Variants in RANBP2 observed in about 807,000 individuals in gnomAD.
RANBP2 encodes the protein E3 SUMO-protein ligase RanBP2.
A neutral mutation model predicts 303.6 loss-of-function variants in RANBP2; 57 were observed. The ratio of observed to expected loss-of-function variants is 0.19; its 90% CI spans 0.15 to 0.23. RANBP2 has a LOEUF of 0.23. RANBP2 is among the 10% of genes least tolerant of loss of function. RANBP2 has a pLI of 1.00. For missense variants in RANBP2, 3,138 were observed against 3,780.8 expected (o/e 0.83, Z 4.46); for synonymous variants, 1,167 against 1,301.5 (o/e 0.90, Z 2.23).
At chr2:108,910,589 C>T in the RANBP2 span, 348 of 1,491,770 alleles carry the variant, frequency 2.3e-4, 4 homozygotes, top group South Asian at 2.4e-3. Context: ...CATGGCTCTG[C>T]GCTCAGCCCA....
At chr2:108,834,141 C>G in the RANBP2 span, among the ~76,000 whole-genome samples, 3 of 151,672 alleles carry the variant, frequency 2.0e-5, no homozygotes, top group Non-Finnish European at 4.4e-5. Flanking sequence ...TGTTTCCTGT[C>G]ATCAGAATCA....
chr2:108,984,082 G>A, the RANBP2 span, among the ~76,000 whole-genome samples: 1 of 152,178 alleles, frequency 6.6e-6, no homozygotes, highest in East Asian at 1.9e-4. Context: ...GTGTAATCAT[G>A]TGTTTCAGGT....
the RANBP2 span, among the ~76,000 whole-genome samples, chr2:109,548,329 AAC>A: frequency 2.6e-5 from 4 of 152,212 alleles, no homozygotes; most frequent in Non-Finnish European, 4.4e-5. Context: ...ATCTGACATT[AAC>A]ATTTTAGTTC....
the RANBP2 span, among the ~76,000 whole-genome samples, chr2:109,214,725 G>T: frequency 3.3e-5 from 5 of 152,208 alleles, no homozygotes; most frequent in Admixed American, 6.5e-5. Context: ...CACTCCAGCT[G>T]CAACTCTGGT....
At chr2:109,076,274 G>A in the RANBP2 span, among the ~76,000 whole-genome samples, 5 of 150,398 alleles carry the variant, frequency 3.3e-5, no homozygotes, top group Admixed American at 2.0e-4. Context: ...AAATATGTAT[G>A]GAAGGAACTT....
the RANBP2 span, among the ~76,000 whole-genome samples, chr2:109,112,938 G>A: frequency 6.6e-6 from 1 of 151,888 alleles, no homozygotes; most frequent in African/African-American, 2.4e-5. Flanking sequence ...AAGATCAGAT[G>A]GTTGTAGATA....
chr2:109,204,795 T>C, the RANBP2 span, among the ~76,000 whole-genome samples: 2 of 152,252 alleles, frequency 1.3e-5, no homozygotes, highest in Admixed American at 6.5e-5. Context: ...GGGTCATTTC[T>C]TGATGGTGCC....
chr2:109,283,376 A>G, the RANBP2 span, among the ~76,000 whole-genome samples: 2 of 152,062 alleles, frequency 1.3e-5, no homozygotes, highest in African/African-American at 4.8e-5. Context: ...GCCTCACCTC[A>G]CTGCGTTGAA....
At chr2:108,998,092 A>C in the RANBP2 span, among the ~76,000 whole-genome samples, 1 of 151,874 alleles carries the variant, frequency 6.6e-6, no homozygotes. Flanking sequence ...CTCTCCCTAC[A>C]CTCTGGGATT....
chr2:109,277,191 A>G, the RANBP2 span, among the ~76,000 whole-genome samples: 8 of 152,088 alleles, frequency 5.3e-5, no homozygotes, highest in Non-Finnish European at 1.2e-4. Context: ...AGTTCCCAGA[A>G]TTTCAGTCGC....
the RANBP2 span, among the ~76,000 whole-genome samples, chr2:109,367,899 A>C: frequency 6.6e-6 from 1 of 152,166 alleles, no homozygotes; most frequent in Non-Finnish European, 1.5e-5. Flanking sequence ...CCTGCCCTAC[A>C]TTTATATCCC....
chr2:109,064,417 C>T, the RANBP2 span, among the ~76,000 whole-genome samples: 3 of 140,888 alleles, frequency 2.1e-5, no homozygotes, highest in Non-Finnish European at 4.5e-5. Flanking sequence ...GATCACGCCA[C>T]TCCACTCCAG....
the RANBP2 span, among the ~76,000 whole-genome samples, chr2:109,081,152 T>G: frequency 6.6e-6 from 1 of 152,368 alleles, no homozygotes; most frequent in Admixed American, 6.5e-5. Context: ...AAATGATATC[T>G]GCACACACTG....
At chr2:109,680,437 G>T in the RANBP2 span, among the ~76,000 whole-genome samples, 1 of 151,922 alleles carries the variant, frequency 6.6e-6, no homozygotes, top group African/African-American at 2.4e-5. Flanking sequence ...AGAATTGTGT[G>T]TGCTTAATGA....
At chr2:108,816,976 T>C in the RANBP2 span, among the ~76,000 whole-genome samples, 1 of 152,230 alleles carries the variant, frequency 6.6e-6, no homozygotes, top group African/African-American at 2.4e-5. Context: ...TCATTACAGA[T>C]GTGGGCCACT....
the RANBP2 span, among the ~76,000 whole-genome samples, chr2:109,578,493 G>A: frequency 3.9e-5 from 6 of 151,966 alleles, no homozygotes; most frequent in Non-Finnish European, 5.9e-5. Flanking sequence ...GGCCAGGCAT[G>A]GCAGGCTCAT....
chr2:108,982,502 T>C, the RANBP2 span, among the ~76,000 whole-genome samples: 1 of 152,236 alleles, frequency 6.6e-6, no homozygotes, highest in African/African-American at 2.4e-5. Context: ...AGCTCAACAT[T>C]CTGTTGTACT....
the RANBP2 span, among the ~76,000 whole-genome samples, chr2:109,154,225 T>C: frequency 1.6e-4 from 24 of 152,364 alleles, no homozygotes; most frequent in Admixed American, 5.9e-4. Context: ...TGTGGTGCTT[T>C]CTGTCATTTC....
At chr2:109,153,650 C>T in the RANBP2 span, among the ~76,000 whole-genome samples, 3 of 152,084 alleles carry the variant, frequency 2.0e-5, no homozygotes, top group Admixed American at 6.5e-5. Context: ...CATGAGATCA[C>T]CCCAGTTATT....
Sources: allele counts gnomAD v4.1 joint callset (sites outside exome capture counted in the v4.1 genomes callset), GRCh38; gene constraint gnomAD v4.1.1; transcripts MANE v1.5; gene names NCBI Gene and HGNC (gene_info 2026-07-23, HGNC 2026-07-21).